The following RALGAPA2 variants were observed in gnomAD, a reference collection of about 807,000 sequenced individuals.
RALGAPA2 encodes the protein Ral GTPase activating protein catalytic subunit alpha 2, also known as ral GTPase-activating protein subunit alpha-2.
Under a neutral mutation model 230.4 loss-of-function variants are expected in RALGAPA2, and 139 were observed. That is an observed-to-expected ratio of 0.60 (90% CI 0.53 to 0.69). The LOEUF is 0.69. Ranked by LOEUF, RALGAPA2 falls within the 30% of genes least tolerant of loss-of-function variation. RALGAPA2 has a pLI of 0.00. For synonymous variants in RALGAPA2, 847 were observed against 837.8 expected (o/e 1.01, Z -0.19); for missense variants, 2,163 against 2,276.0 (o/e 0.95, Z 1.01).
intron 4 of RALGAPA2, among the ~76,000 whole-genome samples, chr20:20,645,983 C>T (rs1420427404): frequency 6.6e-6 from 1 of 150,548 alleles, no homozygotes; most frequent in Non-Finnish European, 1.5e-5. Context: ...GCAAGAAAAA[C>T]ATGTGCAGTG....
At chr20:20,465,696 A>C (rs1602452251) in intron 37 of RALGAPA2, among the ~76,000 whole-genome samples, 1 of 152,108 alleles carries the variant, frequency 6.6e-6, no homozygotes, top group East Asian at 1.9e-4. Context: ...CCTTCTCTCG[A>C]GATTTCTCCT....
chr20:20,601,717 TC>T lies in RALGAPA2; in HGVS notation c.2167del (p.Glu723LysfsTer83), dbSNP rs1357822538. On this transcript the variant is annotated frameshift_variant, in exon 16 of 40. Coordinates refer to ENST00000202677, the MANE Select transcript of RALGAPA2 (RefSeq NM_020343.4). LOFTEE classifies it high-confidence loss of function. The stretch of plus-strand genomic sequence containing the variant: ...TTGGCGAACAATATTTCTTGCCTTT[TC>T]CACTCCCGGTGCTCCAGACGTGGTG... ...SATTSGAPGVEKARNIVRQKA... is the reference protein window; with the variant it reads ...SATTSGAPGVXKARNIVRQKA... 6.2e-7 allele frequency: 1 copy of T among 1,613,660 alleles called. No homozygotes were observed. Among genetic ancestry groups the T allele is most frequent in the Non-Finnish European group, 8.5e-7 (1 of 1,179,690 alleles).
At chr20:20,579,637 T>A (rs554129989) in intron 20 of RALGAPA2, among the ~76,000 whole-genome samples, 44 of 152,208 alleles carry the variant, frequency 2.9e-4, no homozygotes, top group African/African-American at 8.7e-4. Context: ...AGCTATTTTT[T>A]AAAAAAAATC....
intron 34 of RALGAPA2, among the ~76,000 whole-genome samples, chr20:20,504,639 T>C (rs2062475505): frequency 6.6e-6 from 1 of 152,060 alleles, no homozygotes; most frequent in Non-Finnish European, 1.5e-5. Context: ...GGCAGGAGAA[T>C]TGCTGGAACC....
At chr20:20,602,897 G>T (rs1449965495) in intron 15 of RALGAPA2, among the ~76,000 whole-genome samples, 1 of 151,946 alleles carries the variant, frequency 6.6e-6, no homozygotes, top group Non-Finnish European at 1.5e-5. Context: ...TTGAAGGTAG[G>T]TCCTTATCTC....
chr20:20,432,609 T>C (rs899272382), intron 37 of RALGAPA2, among the ~76,000 whole-genome samples: 6 of 152,196 alleles, frequency 3.9e-5, no homozygotes, highest in African/African-American at 1.4e-4. Flanking sequence ...GTAAAGTTAA[T>C]GATTCTTTGA....
intron 18 of RALGAPA2, among the ~76,000 whole-genome samples, chr20:20,587,783 T>C (rs147421898): frequency 5.1e-4 from 77 of 151,974 alleles, no homozygotes; most frequent in Admixed American, 9.8e-4. Context: ...TACAAAGAGC[T>C]AGTAAATATA....
At chr20:20,625,059 G>A (rs116986714) in intron 10 of RALGAPA2, among the ~76,000 whole-genome samples, 3,692 of 151,996 alleles carry the variant, frequency 0.024, 77 homozygotes, top group South Asian at 0.061. Context: ...TTTTCTGCCT[G>A]CCTGCCTATT....
intron 14 of RALGAPA2, among the ~76,000 whole-genome samples, chr20:20,610,279 T>C (rs1336151531): frequency 6.6e-6 from 1 of 152,212 alleles, no homozygotes; most frequent in Non-Finnish European, 1.5e-5. Context: ...CCTTTCACAC[T>C]GTTCACTTTC....
chr20:20,692,806 G>T (rs2068961827), intron 1 of RALGAPA2, among the ~76,000 whole-genome samples: 1 of 152,228 alleles, frequency 6.6e-6, no homozygotes, highest in African/African-American at 2.4e-5. Flanking sequence ...CCAAGAGGTG[G>T]AAAGCATCTG....
chr20:20,653,589 T>C lies in RALGAPA2; in HGVS notation c.271-2A>G, dbSNP rs1438052299. 1 of 1,456,902 alleles carries C rather than the reference T, an allele frequency of 6.9e-7. No individual in the cohort carries two copies. Among genetic ancestry groups the C allele is most frequent in the Non-Finnish European group, 9.4e-7 (1 of 1,066,948 alleles). The allele number at this position is 1,456,902 out of a possible 1,614,324, so 90.2% of individuals were successfully genotyped here. On this transcript the variant is annotated splice_acceptor_variant, in intron 3 of 39. Coordinates refer to ENST00000202677, the MANE Select transcript of RALGAPA2 (RefSeq NM_020343.4). LOFTEE classifies it high-confidence loss of function. ...TTCAGGTAGAAACTGCAGTATTTTC[T>C]ATTAAAAAAAGATATAAAGAAAATA...
chr20:20,502,531 T>C (rs556914544), intron 35 of RALGAPA2, among the ~76,000 whole-genome samples: 1 of 152,288 alleles, frequency 6.6e-6, no homozygotes, highest in East Asian at 1.9e-4. Context: ...GAGGCACAGG[T>C]TGATGAAATA....
chr20:20,552,574 T>C (rs1244945362), intron 23 of RALGAPA2, among the ~76,000 whole-genome samples: 1 of 152,200 alleles, frequency 6.6e-6, no homozygotes, highest in Non-Finnish European at 1.5e-5. Context: ...AAAGATATGA[T>C]TCATTCTATA....
intron 36 of RALGAPA2, among the ~76,000 whole-genome samples, chr20:20,477,019 T>A (rs930789126): frequency 6.6e-6 from 1 of 152,104 alleles, no homozygotes; most frequent in Admixed American, 6.5e-5. Context: ...CCAAGTAAAA[T>A]GAATCAATAG....
rs932446985 is a variant in RALGAPA2 at position 20,564,205 on chromosome 20, T to C, written c.3156+7253A>G. Among the ~76,000 whole-genome samples, 20 of 152,216 alleles carry C rather than the reference T, an allele frequency of 1.3e-4. 1 individual carries two copies. ...CATGACCATATATTATTTCTACGCA[T>C]ATATCTGGCATTAAATCAAAGCCAC... On this transcript the variant is annotated intron_variant, in intron 23 of 39. Coordinates refer to ENST00000202677, the MANE Select transcript of RALGAPA2 (RefSeq NM_020343.4).
intron 37 of RALGAPA2, among the ~76,000 whole-genome samples, chr20:20,433,710 C>T (rs2060545883): frequency 6.6e-6 from 1 of 152,006 alleles, no homozygotes; most frequent in South Asian, 2.1e-4. Context: ...GACCAAAGGA[C>T]CACAGAGACA....
At chr20:20,477,309 T>C (rs985082931) in intron 36 of RALGAPA2, among the ~76,000 whole-genome samples, 2 of 152,120 alleles carry the variant, frequency 1.3e-5, no homozygotes, top group East Asian at 3.9e-4. Context: ...CATAAAATAC[T>C]CTACCCAACA....
At chr20:20,507,410 T>C (rs1359428679) in intron 33 of RALGAPA2, among the ~76,000 whole-genome samples, 1 of 152,230 alleles carries the variant, frequency 6.6e-6, no homozygotes, top group Non-Finnish European at 1.5e-5. Flanking sequence ...TGGCGTGATC[T>C]TGGATCACTG....
intron 3 of RALGAPA2, among the ~76,000 whole-genome samples, chr20:20,674,113 T>G (rs2068235900): frequency 6.6e-6 from 1 of 151,898 alleles, no homozygotes; most frequent in Non-Finnish European, 1.5e-5. Context: ...GGAGGATCAC[T>G]TGAGCCCAGG....
Sources: allele counts gnomAD v4.1 joint callset (sites outside exome capture counted in the v4.1 genomes callset), GRCh38; gene constraint gnomAD v4.1.1; transcripts MANE v1.5; gene names NCBI Gene and HGNC (gene_info 2026-07-23, HGNC 2026-07-21).